The following CRTAC1 variants were observed in gnomAD, a reference collection of about 807,000 sequenced individuals.
CRTAC1 encodes acidic secreted protein in cartilage.
A neutral mutation model predicts 67.8 loss-of-function variants in CRTAC1; 37 were observed. The ratio of observed to expected loss-of-function variants is 0.55; its 90% CI spans 0.42 to 0.72. CRTAC1 has a LOEUF of 0.72. Ranked by LOEUF, CRTAC1 falls within the 30% of genes least tolerant of loss-of-function variation. The pLI is 0.00. For synonymous variants in CRTAC1, 348 were observed against 371.0 expected (o/e 0.94, Z 0.71); for missense variants, 780 against 931.6 (o/e 0.84, Z 2.12).
intron 11 of CRTAC1, among the ~76,000 whole-genome samples, chr10:97,891,492 T>G (rs79553083): frequency 0.013 from 1,971 of 152,342 alleles, 53 homozygotes; most frequent in African/African-American, 0.044. Context: ...TTCTCTCGCC[T>G]GAGTCCTCTC....
At chr10:97,921,944 GT>G (rs2050845820) in intron 4 of CRTAC1, among the ~76,000 whole-genome samples, 1 of 151,040 alleles carries the variant, frequency 6.6e-6, no homozygotes, top group Admixed American at 6.6e-5. Context: ...TTGTCCTGTG[GT>G]TAAATGCGTG....
chr10:98,016,720 A>G (rs1250493404), intron 1 of CRTAC1, among the ~76,000 whole-genome samples: 1 of 152,184 alleles, frequency 6.6e-6, no homozygotes, highest in Non-Finnish European at 1.5e-5. Flanking sequence ...GATCATGTTA[A>G]TGGACAGTCT....
chr10:97,901,233 T>G (rs2050535912), intron 8 of CRTAC1, among the ~76,000 whole-genome samples: 1 of 152,258 alleles, frequency 6.6e-6, no homozygotes, highest in Non-Finnish European at 1.5e-5. Context: ...GCTTGGGTTC[T>G]GGGCACACTT....
chr10:97,880,188 G>A, intron 14 of CRTAC1, 61 bp downstream of exon 14: 1 of 1,581,642 alleles, frequency 6.3e-7, no homozygotes, highest in Non-Finnish European at 8.7e-7. Context: ...GGCCTACCCA[G>A]AGCTCCCCAG....
intron 2 of CRTAC1, among the ~76,000 whole-genome samples, chr10:97,952,269 G>A (rs183903610): frequency 0.012 from 1,794 of 150,524 alleles, 45 homozygotes; most frequent in African/African-American, 0.041. Flanking sequence ...GGAGAATGGC[G>A]TGAACCCAGG....
chr10:98,028,567 C>T (rs973854011), intron 1 of CRTAC1, among the ~76,000 whole-genome samples: 1 of 152,148 alleles, frequency 6.6e-6, no homozygotes, highest in Non-Finnish European at 1.5e-5. Context: ...AGGGGCACCC[C>T]TGCGCAGCCA....
At chr10:97,871,679 T>C (rs1365008855) in intron 14 of CRTAC1, 2 of 152,162 alleles carry the variant, frequency 1.3e-5, no homozygotes, top group Non-Finnish European at 2.9e-5. Flanking sequence ...TGACAAGGGC[T>C]AGTAAGTGTC....
chr10:98,016,102 G>A (rs1206826382), intron 1 of CRTAC1, among the ~76,000 whole-genome samples: 5 of 152,172 alleles, frequency 3.3e-5, no homozygotes. Flanking sequence ...GACAAAGAGG[G>A]ATTCTGACTC....
intron 2 of CRTAC1, among the ~76,000 whole-genome samples, chr10:97,990,418 A>G (rs1440258506): frequency 1.3e-5 from 2 of 152,186 alleles, no homozygotes; most frequent in African/African-American, 4.8e-5. Flanking sequence ...TGACACTTAC[A>G]TTTTATATAT....
At chr10:97,990,900 A>T (rs778072741) in intron 2 of CRTAC1, among the ~76,000 whole-genome samples, 3 of 152,166 alleles carry the variant, frequency 2.0e-5, no homozygotes, top group Non-Finnish European at 4.4e-5. Flanking sequence ...TGTAGACAAC[A>T]CCATATTTGA....
At chr10:97,896,469 A>C (rs1251614598) in intron 9 of CRTAC1, among the ~76,000 whole-genome samples, 6 of 152,166 alleles carry the variant, frequency 3.9e-5, no homozygotes, top group Admixed American at 1.3e-4. Flanking sequence ...CCACAAAGTG[A>C]GGCAATGGCA....
intron 14 of CRTAC1, among the ~76,000 whole-genome samples, chr10:97,878,136 G>A (rs1590174633): frequency 6.6e-6 from 1 of 152,220 alleles, no homozygotes; most frequent in South Asian, 2.1e-4. Context: ...GGTGGGAAAG[G>A]GCTCCAGCCC....
intron 14 of CRTAC1, among the ~76,000 whole-genome samples, chr10:97,879,354 T>A (rs964612150): frequency 6.6e-5 from 10 of 152,152 alleles, no homozygotes; most frequent in Non-Finnish European, 1.5e-4. Flanking sequence ...GCCATCTTTG[T>A]TAAGGGCAAA....
intron 3 of CRTAC1, among the ~76,000 whole-genome samples, chr10:97,927,176 T>TC (rs1261455124): frequency 5.3e-5 from 8 of 152,094 alleles, no homozygotes; most frequent in Non-Finnish European, 1.2e-4. Flanking sequence ...GGTGACTCTG[T>TC]CCCCCTCTGT....
chr10:98,004,713 A>T (rs1842751018), intron 2 of CRTAC1, among the ~76,000 whole-genome samples: 1 of 151,836 alleles, frequency 6.6e-6, no homozygotes, highest in South Asian at 2.1e-4. Context: ...AAGCAACTTA[A>T]AAAAAAAGCT....
chr10:98,000,065 A>G (rs1416400916), intron 2 of CRTAC1, among the ~76,000 whole-genome samples: 1 of 152,166 alleles, frequency 6.6e-6, no homozygotes, highest in African/African-American at 2.4e-5. Flanking sequence ...TGGGAGACTG[A>G]GCTGTTCTAT....
At chr10:97,873,593 G>C (rs1026589015) in intron 14 of CRTAC1, among the ~76,000 whole-genome samples, 2 of 152,118 alleles carry the variant, frequency 1.3e-5, no homozygotes, top group Non-Finnish European at 2.9e-5. Context: ...AGCCAGGTCT[G>C]GGGTGGAGGG....
At chr10:98,018,199 C>CAAAAAAAAA (rs71007373) in intron 1 of CRTAC1, among the ~76,000 whole-genome samples, 5 of 48,642 alleles carry the variant, frequency 1.0e-4, no homozygotes, top group African/African-American at 3.8e-4. Context: ...AAGATGCCCG[C>CAAAAAAAAA]AAAAAAAAAA....
intron 2 of CRTAC1, among the ~76,000 whole-genome samples, chr10:98,005,100 A>ATTTTTTTTTTTTTTTTTTTTTTTTTT (rs10683960): frequency 2.0e-5 from 1 of 48,926 alleles, no homozygotes; most frequent in Non-Finnish European, 3.5e-5. Flanking sequence ...ATATATATAT[A>ATTTTTTTTTTTTTTTTTTTTTTTTTT]TTTTTTTTTT....
Sources: allele counts gnomAD v4.1 joint callset (sites outside exome capture counted in the v4.1 genomes callset), GRCh38; gene constraint gnomAD v4.1.1; transcripts MANE v1.5; gene names NCBI Gene and HGNC (gene_info 2026-07-23, HGNC 2026-07-21).